Variants in DAB1 observed in about 807,000 individuals in gnomAD.
The protein encoded by DAB1 is DAB adaptor protein 1.
In DAB1, 15 loss-of-function variants were observed where a neutral mutation model predicts 64.6. That is an observed-to-expected ratio of 0.23 (90% CI 0.16 to 0.36). The LOEUF (loss-of-function observed/expected upper bound fraction) is 0.36, where lower values mean the gene tolerates loss of function less well. Among genes scored for constraint, DAB1 ranks in the 10% least tolerant of loss-of-function variants. The pLI is 1.00. For synonymous variants in DAB1, 235 were observed against 251.9 expected, an observed-to-expected ratio of 0.93 and a Z score of 0.64; for missense variants, 596 against 706.7, an observed-to-expected ratio of 0.84 and a Z score of 1.78.
chr1:57,890,532 T>A lies in DAB1; in HGVS notation n.388-6370A>T, dbSNP rs111571349. On this transcript the variant is annotated intron_variant and non_coding_transcript_variant, in intron 5 of 20. Transcript: ENST00000485760. Reference sequence around the variant, plus strand: ...GTGCAGTGGCACAATCTTGGCTCACTGTAGTCTTGAACTCCCAGGCCCAAA... The same window carrying A: ...GTGCAGTGGCACAATCTTGGCTCACAGTAGTCTTGAACTCCCAGGCCCAAA... Among the ~76,000 whole-genome samples, 343 of 151,118 alleles carry A rather than the reference T, an allele frequency of 2.3e-3. 3 individuals are homozygous for A. Among genetic ancestry groups the A allele is most frequent in the African/African-American group, 8.0e-3 (329 of 41,068 alleles).
At chr1:58,380,228 G>T (rs531824480) in intron 3 of DAB1, among the ~76,000 whole-genome samples, 17 of 152,268 alleles carry the variant, frequency 1.1e-4, no homozygotes, top group African/African-American at 4.1e-4. Flanking sequence ...ATTGGATCAT[G>T]GGCAATTTCC....
At chr1:58,470,686 G>A (rs1382005710) in intron 3 of DAB1, among the ~76,000 whole-genome samples, 1 of 152,144 alleles carries the variant, frequency 6.6e-6, no homozygotes, top group African/African-American at 2.4e-5. Flanking sequence ...TCCAGAACAC[G>A]TTTATGATAT....
At chr1:58,491,086 CG>C (rs1184388329) in intron 3 of DAB1, among the ~76,000 whole-genome samples, 1 of 152,174 alleles carries the variant, frequency 6.6e-6, no homozygotes, top group African/African-American at 2.4e-5. Context: ...AGATTACAGG[CG>C]TGAACCACTG....
intron 1 of DAB1, among the ~76,000 whole-genome samples, chr1:57,391,843 A>G (rs1426696958): frequency 6.6e-6 from 1 of 151,892 alleles, no homozygotes; most frequent in East Asian, 1.9e-4. Flanking sequence ...AGAGGGAGAC[A>G]GCAATTTCAT....
intron 2 of DAB1, among the ~76,000 whole-genome samples, chr1:57,242,597 C>T (rs757667246): frequency 5.9e-5 from 9 of 152,166 alleles, no homozygotes; most frequent in Admixed American, 2.0e-4. Flanking sequence ...GCAACATACA[C>T]ACAACTCCTT....
chr1:57,278,301 A>G, intron 2 of DAB1, among the ~76,000 whole-genome samples: 1 of 152,204 alleles, frequency 6.6e-6, no homozygotes, highest in Non-Finnish European at 1.5e-5. Context: ...GAAGATTTTA[A>G]AAGTTATTGT....
At chr1:57,409,049 C>T (rs1013381224) in intron 1 of DAB1, among the ~76,000 whole-genome samples, 9 of 152,146 alleles carry the variant, frequency 5.9e-5, no homozygotes, top group Non-Finnish European at 1.2e-4. Flanking sequence ...GGTTTCAGAA[C>T]ATCCATGTGT....
chr1:58,501,562 C>T (rs1189290095), intron 3 of DAB1, among the ~76,000 whole-genome samples: 6 of 152,152 alleles, frequency 3.9e-5, no homozygotes, highest in Non-Finnish European at 8.8e-5. Flanking sequence ...TCTTGTTGCT[C>T]CTGCCCCACA....
At chr1:57,332,276 T>C (rs1241478082) in intron 1 of DAB1, among the ~76,000 whole-genome samples, 1 of 152,178 alleles carries the variant, frequency 6.6e-6, no homozygotes, top group African/African-American at 2.4e-5. Flanking sequence ...GAGTCTTTTT[T>C]ATATAATAAA....
intron 1 of DAB1, among the ~76,000 whole-genome samples, chr1:57,390,648 G>A (rs1682271158): frequency 6.6e-6 from 1 of 152,150 alleles, no homozygotes; most frequent in East Asian, 1.9e-4. Flanking sequence ...CTTCAAAGGG[G>A]CCTATAAAGA....
At chr1:57,954,550 C>T (rs368164148) in intron 5 of DAB1, among the ~76,000 whole-genome samples, 1 of 152,188 alleles carries the variant, frequency 6.6e-6, no homozygotes. Flanking sequence ...AGAGACTACA[C>T]ATAGAGCAAG....
At chr1:57,204,186 G>A (rs758358443) in intron 2 of DAB1, among the ~76,000 whole-genome samples, 7 of 152,080 alleles carry the variant, frequency 4.6e-5, no homozygotes, top group Non-Finnish European at 1.0e-4. Flanking sequence ...TACTGTGCCC[G>A]GCCTGGAGTA....
intron 5 of DAB1, among the ~76,000 whole-genome samples, chr1:57,907,784 A>C (rs566464815): frequency 6.6e-6 from 1 of 152,140 alleles, no homozygotes; most frequent in East Asian, 1.9e-4. Flanking sequence ...ATGGGGATAC[A>C]TGCTCTGAGA....
At chr1:57,811,528 G>A (rs1651622222) in intron 6 of DAB1, among the ~76,000 whole-genome samples, 1 of 152,190 alleles carries the variant, frequency 6.6e-6, no homozygotes, top group African/African-American at 2.4e-5. Context: ...TGTACAGTCT[G>A]TAGAACCATG....
intron 7 of DAB1, among the ~76,000 whole-genome samples, chr1:57,557,984 C>G (rs920206216): frequency 6.6e-6 from 1 of 151,288 alleles, no homozygotes; most frequent in African/African-American, 2.4e-5. Context: ...TGTGGAAAAA[C>G]AGACACAAGC....
At chr1:58,462,062 G>T (rs1463034045) in intron 3 of DAB1, among the ~76,000 whole-genome samples, 2 of 151,808 alleles carry the variant, frequency 1.3e-5, no homozygotes, top group African/African-American at 2.4e-5. Flanking sequence ...AGGACTCAGG[G>T]GGGTAATTGG....
chr1:57,117,824 C>A (rs781487523), intron 4 of DAB1, among the ~76,000 whole-genome samples: 9 of 151,224 alleles, frequency 6.0e-5, no homozygotes, highest in Non-Finnish European at 8.8e-5. Flanking sequence ...AAGTCCACTT[C>A]CCTTCTGGTC....
At chr1:57,448,498 A>G (rs1405045792) in intron 7 of DAB1, among the ~76,000 whole-genome samples, 1 of 152,208 alleles carries the variant, frequency 6.6e-6, no homozygotes, top group African/African-American at 2.4e-5. Context: ...TTCCCTCTGT[A>G]ACTAACAACA....
chr1:57,188,216 G>T (rs1211761812), intron 2 of DAB1, among the ~76,000 whole-genome samples: 1 of 152,156 alleles, frequency 6.6e-6, no homozygotes, highest in Non-Finnish European at 1.5e-5. Context: ...CCTGATTAGA[G>T]TGCTGAGGCT....
Sources: gnomAD v4.1 joint callset for allele counts (sites outside exome capture counted in the v4.1 genomes callset) on GRCh38, gnomAD v4.1.1 for gene constraint, MANE v1.5 for transcripts, NCBI Gene and HGNC (gene_info 2026-07-23, HGNC 2026-07-21) for gene names.